The following RMDN2 variants were observed in gnomAD, a reference collection of about 807,000 sequenced individuals.
The protein encoded by RMDN2 is regulator of microtubule dynamics 2.
A neutral mutation model predicts 52.8 loss-of-function variants in RMDN2; 61 were observed. That is an observed-to-expected ratio of 1.16 (90% CI 0.94 to 1.43). The LOEUF (loss-of-function observed/expected upper bound fraction) is 1.43. RMDN2 is among the 40% of genes most tolerant of loss of function. The pLI, the probability that RMDN2 is intolerant of heterozygous loss-of-function variation, is 0.00. For missense variants in RMDN2, 592 were observed against 475.3 expected (o/e 1.25, Z -2.28); for synonymous variants, 180 against 153.1 (o/e 1.18, Z -1.30).
chr2:37,959,520 G>T (rs1669919181), intron 2 of RMDN2, among the ~76,000 whole-genome samples: 1 of 150,750 alleles, frequency 6.6e-6, no homozygotes, highest in South Asian at 2.1e-4. Flanking sequence ...ATTTTTTATT[G>T]TGTCTATTTG....
At chr2:38,032,340 G>T (rs1376142596) in intron 10 of RMDN2, among the ~76,000 whole-genome samples, 1 of 152,090 alleles carries the variant, frequency 6.6e-6, no homozygotes, top group East Asian at 1.9e-4. Context: ...CATATTAATG[G>T]AATCATAGAA....
At chr2:38,004,872 C>T (rs886792348) in intron 10 of RMDN2, among the ~76,000 whole-genome samples, 3 of 151,904 alleles carry the variant, frequency 2.0e-5, no homozygotes, top group African/African-American at 4.8e-5. Context: ...CAACAGGCCC[C>T]GGTGTGTGAT....
chr2:38,006,616 G>T (rs1338068026), intron 10 of RMDN2, among the ~76,000 whole-genome samples: 1 of 152,080 alleles, frequency 6.6e-6, no homozygotes, highest in Non-Finnish European at 1.5e-5. Context: ...TGAGATGATG[G>T]GATTTTCTAG....
intron 10 of RMDN2, among the ~76,000 whole-genome samples, chr2:38,054,513 A>G (rs1234386907): frequency 6.6e-6 from 1 of 152,256 alleles, no homozygotes; most frequent in Non-Finnish European, 1.5e-5. Flanking sequence ...CTTAAAAAAT[A>G]TACCCCAAAT....
intron 1 of RMDN2, among the ~76,000 whole-genome samples, chr2:37,926,272 C>T (rs1035851629): frequency 2.6e-5 from 4 of 152,150 alleles, no homozygotes; most frequent in Admixed American, 6.5e-5. Context: ...TTTAGTAAAG[C>T]ATAATTTCTA....
At chr2:38,052,625 T>G (rs1325635847) in intron 10 of RMDN2, among the ~76,000 whole-genome samples, 1 of 152,190 alleles carries the variant, frequency 6.6e-6, no homozygotes, top group Non-Finnish European at 1.5e-5. Context: ...GCAAGTAGTT[T>G]TATAGTCCCA....
intron 2 of RMDN2, among the ~76,000 whole-genome samples, chr2:37,956,539 C>T (rs1004416039): frequency 2.6e-5 from 4 of 151,724 alleles, no homozygotes; most frequent in Admixed American, 6.6e-5. Flanking sequence ...ATGTTTATTT[C>T]TGATTTAATC....
Position 37,951,823 on chromosome 2 carries a change from T to C in RMDN2, c.452+22094T>C, listed in dbSNP as rs201742730. The C allele has an allele frequency of 4.3e-6, 7 of 1,613,766 alleles. No individual in the cohort carries two copies. The highest frequency in any genetic ancestry group is 1.7e-5 in the Admixed American group (1 of 59,984). ...ACTTCTCCAGCCTTTGGGAACACTA[T>C]TGATACAGCCTCCTATCAACAAAGC... On this transcript the variant is annotated intron_variant, in intron 2 of 10. Transcript: ENST00000354545.
chr2:38,035,442 G>A (rs555805016), intron 10 of RMDN2, among the ~76,000 whole-genome samples: 14 of 152,138 alleles, frequency 9.2e-5, no homozygotes, highest in Non-Finnish European at 1.6e-4. Flanking sequence ...ATGTTCTGAG[G>A]TTCAAATGGA....
chr2:37,944,868 C>T (rs1280234110), intron 2 of RMDN2, among the ~76,000 whole-genome samples: 1 of 151,930 alleles, frequency 6.6e-6, no homozygotes, highest in Admixed American at 6.6e-5. Flanking sequence ...TATTTATGGG[C>T]CACAAGGAAG....
At chr2:38,066,639 T>C (rs1447565575) in intron 10 of RMDN2, among the ~76,000 whole-genome samples, 2 of 152,220 alleles carry the variant, frequency 1.3e-5, no homozygotes, top group African/African-American at 4.8e-5. Flanking sequence ...CACGCCTGTC[T>C]TACTTATGTC....
chr2:37,995,654 A>G (rs946198638), intron 7 of RMDN2, among the ~76,000 whole-genome samples: 1 of 152,250 alleles, frequency 6.6e-6, no homozygotes, highest in African/African-American at 2.4e-5. Context: ...TCTAATAAAT[A>G]TGAAGCCATG....
intron 10 of RMDN2, among the ~76,000 whole-genome samples, chr2:38,036,960 T>C (rs1680625548): frequency 6.6e-6 from 1 of 151,706 alleles, no homozygotes; most frequent in Non-Finnish European, 1.5e-5. Flanking sequence ...GGGAAAAGAG[T>C]AGGTAGGGAT....
chr2:37,958,454 A>G (rs900671114), intron 2 of RMDN2, among the ~76,000 whole-genome samples: 3 of 150,798 alleles, frequency 2.0e-5, no homozygotes, highest in Non-Finnish European at 4.4e-5. Flanking sequence ...TTATTGGTTT[A>G]TAGTAATGCT....
intron 10 of RMDN2, among the ~76,000 whole-genome samples, chr2:38,006,037 G>T (rs1677033134): frequency 1.3e-5 from 2 of 152,054 alleles, no homozygotes; most frequent in African/African-American, 2.4e-5. Context: ...ATTTCTGAGG[G>T]CTCTGTTCTG....
intron 10 of RMDN2, among the ~76,000 whole-genome samples, chr2:38,053,547 C>T (rs114496560): frequency 0.01 from 1,595 of 152,200 alleles, 21 homozygotes; most frequent in African/African-American, 0.033. Flanking sequence ...GTCCACAAAA[C>T]GGTTTGCAAA....
At chr2:37,996,273 A>C (rs544140057) in intron 7 of RMDN2, among the ~76,000 whole-genome samples, 3 of 152,356 alleles carry the variant, frequency 2.0e-5, no homozygotes, top group African/African-American at 7.2e-5. Flanking sequence ...TCAAAAAATA[A>C]GGAAATAATT....
intron 8 of RMDN2, among the ~76,000 whole-genome samples, chr2:37,998,865 T>A (rs909739221): frequency 2.0e-5 from 3 of 152,182 alleles, no homozygotes; most frequent in Non-Finnish European, 4.4e-5. Flanking sequence ...AATCAAAGAT[T>A]TGATTTAAAT....
chr2:38,012,849 C>G (rs1678199637), intron 10 of RMDN2, among the ~76,000 whole-genome samples: 1 of 152,194 alleles, frequency 6.6e-6, no homozygotes. Flanking sequence ...TCAGTTTACT[C>G]TCTCGTGTGA....
Sources: allele counts gnomAD v4.1 joint callset (sites outside exome capture counted in the v4.1 genomes callset), GRCh38; gene constraint gnomAD v4.1.1; transcripts MANE v1.5; gene names NCBI Gene and HGNC (gene_info 2026-07-23, HGNC 2026-07-21).